The following PPP3CC variants were observed in gnomAD, a reference collection of about 807,000 sequenced individuals.
PPP3CC encodes protein phosphatase 3 catalytic subunit gamma, also known as serine/threonine-protein phosphatase 2B catalytic subunit gamma isoform.
In PPP3CC, 35 loss-of-function variants were observed where a neutral mutation model predicts 60.3. That is an observed-to-expected ratio of 0.58 (90% CI 0.44 to 0.77). The LOEUF (loss-of-function observed/expected upper bound fraction) is 0.77, where lower values mean the gene tolerates loss of function less well. PPP3CC is among the 30% of genes least tolerant of loss of function. The probability of loss-of-function intolerance (pLI) is 0.00; values close to 1 mark genes in which losing one functional copy is unlikely to be tolerated. For missense variants in PPP3CC, 570 were observed against 628.9 expected (o/e 0.91, Z 1.00); for synonymous variants, 206 against 224.3 (o/e 0.92, Z 0.73).
chr8:22,528,627 T>C (rs1839624932), intron 10 of PPP3CC, 50 bp downstream of exon 10: 1 of 1,208,442 alleles, frequency 8.3e-7, no homozygotes, highest in Non-Finnish European at 1.1e-6. Flanking sequence ...TTGGTTTTGG[T>C]TTTAGTTGTT....
chr8:22,455,035 G>A (rs1359532460), intron 1 of PPP3CC, among the ~76,000 whole-genome samples: 62 of 133,704 alleles, frequency 4.6e-4, no homozygotes, highest in African/African-American at 1.6e-3. Flanking sequence ...CAGCCTGGGC[G>A]ACAGAGTGAG....
At chr8:22,471,498 T>C (rs1837720725) in intron 1 of PPP3CC, among the ~76,000 whole-genome samples, 1 of 152,184 alleles carries the variant, frequency 6.6e-6, no homozygotes, top group Non-Finnish European at 1.5e-5. Context: ...ATGCATAGTC[T>C]ATATGATATA....
chr8:22,445,926 A>G (rs10096012), intron 1 of PPP3CC, among the ~76,000 whole-genome samples: 9,186 of 152,282 alleles, frequency 0.06, 323 homozygotes, highest in South Asian at 0.15. Context: ...CTGAAAGGGC[A>G]TCTTAATTTA....
At chr8:22,523,690 G>A (rs1442499074) in intron 8 of PPP3CC, 2 of 453,618 alleles carry the variant, frequency 4.4e-6, no homozygotes, top group South Asian at 1.6e-5. Flanking sequence ...GGAAATCTTC[G>A]TCCTTTGAGG....
At chr8:22,512,442 C>T (rs1423240490) in intron 5 of PPP3CC, among the ~76,000 whole-genome samples, 1 of 152,092 alleles carries the variant, frequency 6.6e-6, no homozygotes, top group East Asian at 1.9e-4. Context: ...ACTAAAGCAG[C>T]AGTGACTAAA....
intron 6 of PPP3CC, among the ~76,000 whole-genome samples, chr8:22,521,791 G>A (rs905968061): frequency 1.3e-5 from 2 of 151,906 alleles, no homozygotes; most frequent in African/African-American, 4.8e-5. Context: ...ATTCAGAGAG[G>A]TAATAGTATG....
chr8:22,473,395 T>C (rs1406723687), intron 1 of PPP3CC, among the ~76,000 whole-genome samples: 1 of 152,118 alleles, frequency 6.6e-6, no homozygotes, highest in Non-Finnish European at 1.5e-5. Context: ...ATATAAACTT[T>C]GTACCTAATG....
In PPP3CC at chr8:22,475,219, T is replaced by C. The variant is rs1396451789; in HGVS notation, c.247+68T>C. 2.8e-6 allele frequency: 4 copies of C among 1,414,326 alleles called. No individual in the cohort carries two copies. The African/African-American group carries it at 4.3e-5, about 15-fold the overall frequency. 87.6% of individuals were successfully genotyped at this position (1,414,326 alleles called of 1,614,324 possible). A position where few individuals can be genotyped will look rare whatever the true frequency, so the allele number is the denominator to read the frequency against. ...TGCATGAGCAGTTTTGAGAAATAAT[T>C]ACAAATAACCAGCTAAAAAGTGGTG... is the stretch of plus-strand genomic sequence containing the variant. On this transcript the variant is annotated intron_variant, in intron 2 of 13. Transcript: ENST00000240139.
chr8:22,511,918 G>A (rs1004820490), intron 5 of PPP3CC, among the ~76,000 whole-genome samples: 2 of 152,212 alleles, frequency 1.3e-5, no homozygotes, highest in African/African-American at 4.8e-5. Flanking sequence ...GAGGAAGTTG[G>A]AAGGGATGGT....
intron 6 of PPP3CC, among the ~76,000 whole-genome samples, chr8:22,521,988 A>G (rs1180040918): frequency 6.6e-6 from 1 of 151,268 alleles, no homozygotes; most frequent in Non-Finnish European, 1.5e-5. Flanking sequence ...ACCTATATAT[A>G]TACATATATA....
chr8:22,467,160 A>T (rs1180031820), intron 1 of PPP3CC, among the ~76,000 whole-genome samples: 1 of 152,200 alleles, frequency 6.6e-6, no homozygotes, highest in African/African-American at 2.4e-5. Flanking sequence ...ATAAATTATG[A>T]TCTAAGTAAA....
chr8:22,528,499 T>G lies in PPP3CC; in HGVS notation c.1070-7T>G, dbSNP rs764326486. ...GCGTAAATTTTGGATTATTTTGTCTTACTTAGTCACAGAGATGCTGGTAAA... is the reference window on the plus strand; with the variant it reads ...GCGTAAATTTTGGATTATTTTGTCTGACTTAGTCACAGAGATGCTGGTAAA... On this transcript the variant is annotated splice_polypyrimidine_tract_variant and splice_region_variant and intron_variant, in intron 9 of 13. Coordinates refer to ENST00000240139, the MANE Select transcript of PPP3CC (RefSeq NM_005605.5). 2.0e-6 allele frequency: 3 copies of G among 1,524,138 alleles called. No individual in the cohort carries two copies. Among genetic ancestry groups the G allele is most frequent in the East Asian group, 2.3e-5 (1 of 43,122 alleles). 94.4% of individuals were successfully genotyped at this position (1,524,138 alleles called of 1,614,324 possible).
intron 1 of PPP3CC, among the ~76,000 whole-genome samples, chr8:22,458,010 G>T (rs536688757): frequency 6.6e-6 from 1 of 152,264 alleles, no homozygotes; most frequent in Non-Finnish European, 1.5e-5. Flanking sequence ...AGAACCGCTT[G>T]AACCTGGGAG....
chr8:22,481,040 A>G (rs1232841912), intron 3 of PPP3CC, among the ~76,000 whole-genome samples: 1 of 152,212 alleles, frequency 6.6e-6, no homozygotes, highest in Non-Finnish European at 1.5e-5. Flanking sequence ...TCACTATAAA[A>G]TAATGGTCAT....
chr8:22,443,868 G>T (rs1422658942), intron 1 of PPP3CC, among the ~76,000 whole-genome samples: 1 of 152,138 alleles, frequency 6.6e-6, no homozygotes, highest in Non-Finnish European at 1.5e-5. Context: ...ATTGTAACGG[G>T]TACTAAACCC....
intron 1 of PPP3CC, among the ~76,000 whole-genome samples, chr8:22,444,100 G>T (rs1013837446): frequency 1.3e-5 from 2 of 152,020 alleles, no homozygotes; most frequent in Admixed American, 6.6e-5. Flanking sequence ...TTCTTAAATT[G>T]AAGGATGTGG....
intron 13 of PPP3CC, among the ~76,000 whole-genome samples, chr8:22,540,304 T>C (rs2117167935): frequency 1.3e-5 from 2 of 152,346 alleles, no homozygotes; most frequent in Non-Finnish European, 2.9e-5. Flanking sequence ...ACACTCTTTC[T>C]TAAAGGTACT....
At chr8:22,488,249 G>A (rs1232500004) in intron 3 of PPP3CC, among the ~76,000 whole-genome samples, 1 of 152,118 alleles carries the variant, frequency 6.6e-6, no homozygotes, top group East Asian at 1.9e-4. Context: ...TGTGAAAATT[G>A]TTATCTTGGT....
chr8:22,527,260 A>G, intron 8 of PPP3CC, 132 bp from the exon 9 acceptor site: 2 of 986,532 alleles, frequency 2.0e-6, no homozygotes, highest in Non-Finnish European at 3.0e-6. Flanking sequence ...TCTGCCCTTT[A>G]CCTAGTCAAG....
Sources: gnomAD v4.1 joint callset for allele counts (sites outside exome capture counted in the v4.1 genomes callset) on GRCh38, gnomAD v4.1.1 for gene constraint, MANE v1.5 for transcripts, NCBI Gene and HGNC (gene_info 2026-07-23, HGNC 2026-07-21) for gene names.